Variants in MACF1 observed in about 807,000 individuals in gnomAD.
MACF1 encodes microtubule actin crosslinking factor 1.
In MACF1, 193 loss-of-function variants were observed where a neutral mutation model predicts 854.8. The ratio of observed to expected loss-of-function variants is 0.23; its 90% CI spans 0.20 to 0.25. MACF1 has a LOEUF of 0.25. Ranked by LOEUF, MACF1 falls within the 10% of genes least tolerant of loss-of-function variation. MACF1 has a pLI of 1.00. For missense variants in MACF1, 7,722 were observed against 8,929.1 expected (o/e 0.86, Z 5.45); for synonymous variants, 3,185 against 3,226.7 (o/e 0.99, Z 0.44).
At chr1:39,118,550 G>A (rs1557464405) in intron 2 of MACF1, among the ~76,000 whole-genome samples, 1 of 152,208 alleles carries the variant, frequency 6.6e-6, no homozygotes, top group Non-Finnish European at 1.5e-5. Flanking sequence ...TACTTTCCCT[G>A]TGGGAGAGAA....
intron 42 of MACF1, among the ~76,000 whole-genome samples, chr1:39,350,403 A>G (rs968869337): frequency 6.6e-6 from 1 of 152,208 alleles, no homozygotes; most frequent in Non-Finnish European, 1.5e-5. Context: ...CCTGTATCAC[A>G]CTGGACCCCG....
intron 97 of MACF1, among the ~76,000 whole-genome samples, chr1:39,477,131 T>TACACACAC (rs562347733): frequency 0.11 from 9,780 of 91,038 alleles, 917 homozygotes; most frequent in East Asian, 0.17. Context: ...TATATATATA[T>TACACACAC]ATATACACAC....
Position 39,429,711 on chromosome 1 carries a change from C to A in MACF1, c.16889-116C>A, listed in dbSNP as rs982086826. 3 of 1,021,566 alleles carry A rather than the reference C, an allele frequency of 2.9e-6. No individual in the cohort carries two copies. In the Admixed American group the frequency reaches 6.4e-5, roughly 22 times the overall value. The allele number at this position is 1,021,566 out of a possible 1,614,324, so 63.3% of individuals were successfully genotyped here. On this transcript the variant is annotated intron_variant, in intron 64 of 100. Transcript: ENST00000564288. ...TAGTATGGGATAGGTGAAATCATTACCACAGAGAGAGAGAGAGCGTCTATG... is the reference window on the plus strand; with the variant it reads ...TAGTATGGGATAGGTGAAATCATTAACACAGAGAGAGAGAGAGCGTCTATG...
intron 2 of MACF1, among the ~76,000 whole-genome samples, chr1:39,113,388 C>T (rs1389780103): frequency 6.6e-6 from 1 of 152,170 alleles, no homozygotes; most frequent in African/African-American, 2.4e-5. Context: ...CCAAAAAACA[C>T]TTCAAGCAAG....
At chr1:39,196,405 A>T (rs903916448) in intron 2 of MACF1, among the ~76,000 whole-genome samples, 2 of 152,146 alleles carry the variant, frequency 1.3e-5, no homozygotes, top group African/African-American at 4.8e-5. Flanking sequence ...AGAGTCATGG[A>T]TGTCTCCTAA....
At position 39,388,074 on chromosome 1, in the gene MACF1, G is replaced by C. The variant is rs1641869536; in HGVS notation, c.15232G>C (p.Glu5078Gln). 2 of 1,614,126 alleles carry C rather than the reference G, an allele frequency of 1.2e-6. No individual in the cohort carries two copies. The highest frequency in any genetic ancestry group is 1.7e-6 in the Non-Finnish European group (2 of 1,180,026). The change falls in exon 58 of 101, where the codon GAA (glutamate) becomes CAA (glutamine). Residue 5078 changes from glutamate (E) to glutamine (Q), a missense_variant. Transcript: ENST00000564288. ...YLRNFTQGLV[E>Q]DAPDGSDASQ... ...GAGGAACTTTACTCAGGGTCTGGTA[G>C]AAGATGCCCCAGATGGATCTGATGC... is the stretch of plus-strand genomic sequence containing the variant.
At chr1:39,378,561 G>A (rs1649911858) in intron 53 of MACF1, 38 bp downstream of exon 53, 3 of 1,578,814 alleles carry the variant, frequency 1.9e-6, no homozygotes, top group Admixed American at 1.7e-5. Context: ...TTTGTTGGAT[G>A]TGTTAGGACA....
Position 39,404,042 on chromosome 1 carries a change from T to C in MACF1, c.15816+15384T>C, listed in dbSNP as rs1025388339. On this transcript the variant is annotated intron_variant, in intron 58 of 100. Coordinates refer to ENST00000564288, the MANE Select transcript of MACF1 (RefSeq NM_001394062.1). ...TACTTGGGAAGCTGAGGCAGGAGAA[T>C]CGCTTGAACTTGAGAGGCAGAGGTT... Among the ~76,000 whole-genome samples the C allele has an allele frequency of 2.0e-5, 3 of 151,936 alleles. No individual in the cohort carries two copies. The East Asian group carries it at 5.8e-4, about 29-fold the overall frequency.
At chr1:39,187,429 T>C (rs1466829158) in intron 2 of MACF1, among the ~76,000 whole-genome samples, 1 of 152,190 alleles carries the variant, frequency 6.6e-6, no homozygotes, top group African/African-American at 2.4e-5. Context: ...TTAAAGCCTT[T>C]AGTAAAGCTG....
intron 2 of MACF1, among the ~76,000 whole-genome samples, chr1:39,125,797 G>T (rs771677285): frequency 1.8e-4 from 28 of 152,142 alleles, no homozygotes; most frequent in Non-Finnish European, 3.5e-4. Flanking sequence ...TTGAAGACCG[G>T]CCTGGCCAAC....
At chr1:39,137,082 T>TAA (rs1222196967) in intron 2 of MACF1, among the ~76,000 whole-genome samples, 10 of 152,170 alleles carry the variant, frequency 6.6e-5, no homozygotes, top group Non-Finnish European at 1.5e-4. Context: ...TAATTTAATT[T>TAA]TATTTTGAGA....
chr1:39,386,260 T>TA (rs1641774421), intron 57 of MACF1, among the ~76,000 whole-genome samples: 1 of 150,322 alleles, frequency 6.7e-6, no homozygotes, highest in African/African-American at 2.5e-5. Flanking sequence ...TTTTTTTTTT[T>TA]AATATTATGC....
chr1:39,215,657 C>CT (rs1644568061), intron 1 of MACF1, among the ~76,000 whole-genome samples: 2 of 151,994 alleles, frequency 1.3e-5, no homozygotes, highest in Non-Finnish European at 1.5e-5. Flanking sequence ...GGGTGTAGAA[C>CT]TTTTTTTATA....
At chr1:39,485,419 G>C in intron 100 of MACF1, 119 bp from the exon 101 acceptor site, 2 of 1,176,058 alleles carry the variant, frequency 1.7e-6, no homozygotes, top group Non-Finnish European at 2.3e-6. Context: ...AAACTGGGGT[G>C]CAGAAAGGCT....
At chr1:39,284,464 T>C in intron 11 of MACF1, 36 bp downstream of exon 11, 1 of 1,411,814 alleles carries the variant, frequency 7.1e-7, no homozygotes, top group Non-Finnish European at 9.7e-7. Context: ...ACTTGGGGTT[T>C]GCTGGTCTGT....
intron 2 of MACF1, among the ~76,000 whole-genome samples, chr1:39,149,324 G>A (rs1239746779): frequency 6.6e-6 from 1 of 152,054 alleles, no homozygotes; most frequent in Non-Finnish European, 1.5e-5. Flanking sequence ...TTGAGGTCAG[G>A]GGTTCGAGAC....
Position 39,430,962 on chromosome 1 carries a change from A to T in MACF1, c.17337+54A>T, listed in dbSNP as rs1643867441. The T allele has an allele frequency of 2.7e-6, 4 of 1,458,054 alleles. No individual in the cohort carries two copies. The South Asian group carries it at 4.6e-5, about 17-fold the overall frequency. 90.3% of individuals were successfully genotyped at this position (1,458,054 alleles called of 1,614,324 possible). On this transcript the variant is annotated intron_variant, in intron 66 of 100. Coordinates refer to ENST00000564288, the MANE Select transcript of MACF1 (RefSeq NM_001394062.1). ...ATTTTAGACAGTATTGATGTGTGAG[A>T]TACAGTACTATGACCCACATAAATA...
intron 52 of MACF1, among the ~76,000 whole-genome samples, chr1:39,374,336 A>G (rs1401646791): frequency 6.6e-6 from 1 of 152,248 alleles, no homozygotes; most frequent in Non-Finnish European, 1.5e-5. Flanking sequence ...CTAGTCTGTG[A>G]TAGTGCACTC....
At chr1:39,141,253 G>C (rs1004005747) in intron 2 of MACF1, among the ~76,000 whole-genome samples, 1 of 152,204 alleles carries the variant, frequency 6.6e-6, no homozygotes, top group Non-Finnish European at 1.5e-5. Flanking sequence ...ATATACTCTT[G>C]AGCCTGCGTC....
Sources: allele counts gnomAD v4.1 joint callset (sites outside exome capture counted in the v4.1 genomes callset), GRCh38; gene constraint gnomAD v4.1.1; transcripts MANE v1.5; gene names NCBI Gene and HGNC (gene_info 2026-07-23, HGNC 2026-07-21).